SNX16: variants seen among roughly 807,000 people sequenced by gnomAD.
The protein encoded by SNX16 is sorting nexin 16.
Under a neutral mutation model 36.7 loss-of-function variants are expected in SNX16, and 35 were observed. That is an observed-to-expected ratio of 0.95 (90% CI 0.73 to 1.27). The LOEUF is 1.27. Among genes scored for constraint, SNX16 ranks in the 50% most tolerant of loss-of-function variants. The pLI is 0.00. For synonymous variants in SNX16, 134 were observed against 132.0 expected, an observed-to-expected ratio of 1.02 and a Z score of -0.10; for missense variants, 367 against 393.6, an observed-to-expected ratio of 0.93 and a Z score of 0.57.
chr8:81,807,533 A>G (rs1810019512), intron 5 of SNX16, among the ~76,000 whole-genome samples: 1 of 146,952 alleles, frequency 6.8e-6, no homozygotes, highest in African/African-American at 2.6e-5. Flanking sequence ...AAAAAAAAAA[A>G]AAAAAAAAAA....
chr8:81,839,123 G>T (rs1377575361), intron 2 of SNX16, among the ~76,000 whole-genome samples: 1 of 152,070 alleles, frequency 6.6e-6, no homozygotes, highest in Non-Finnish European at 1.5e-5. Flanking sequence ...TGGATCAACT[G>T]GAACTCTTAT....
chr8:81,809,342 T>C lies in SNX16; in HGVS notation c.681+5983A>G, dbSNP rs1020979251. On this transcript the variant is annotated intron_variant, in intron 5 of 7. Coordinates refer to ENST00000345957, the MANE Select transcript of SNX16 (RefSeq NM_152836.3). ...TTGTTGGCACATCTTATGCAATATA[T>C]TTAAATTGAGTAATGGTACCAGATA... Among the ~76,000 whole-genome samples, 13 of 152,204 alleles carry C rather than the reference T, an allele frequency of 8.5e-5. No homozygotes were observed. In the South Asian group the frequency reaches 1.0e-3, roughly 12 times the overall value.
rs1232441448 is a variant in SNX16, at chr8:81,811,332, GGAC to G, written c.681+3990_681+3992del. ...CATATCCTGGGACCCAAGCCACACA[GGAC>G]AACAGAGCCCATATGCGTGTATAGA... is the stretch of plus-strand genomic sequence containing the variant. On this transcript the variant is annotated intron_variant, in intron 5 of 7. Coordinates refer to ENST00000345957, the MANE Select transcript of SNX16 (RefSeq NM_152836.3). Among the ~76,000 whole-genome samples, 5 of 152,024 alleles carry G rather than the reference GGAC, an allele frequency of 3.3e-5. No homozygotes were observed. The East Asian group carries it at 9.6e-4, about 29-fold the overall frequency.
At chr8:81,833,728 T>G (rs758917667) in intron 2 of SNX16, among the ~76,000 whole-genome samples, 1 of 152,222 alleles carries the variant, frequency 6.6e-6, no homozygotes, top group Admixed American at 6.5e-5. Context: ...AATACCCCTG[T>G]TTCTCTAGCA....
chr8:81,823,377 A>G (rs978356711), intron 4 of SNX16, among the ~76,000 whole-genome samples: 1 of 151,994 alleles, frequency 6.6e-6, no homozygotes, highest in Non-Finnish European at 1.5e-5. Context: ...AATTAAGCCA[A>G]TTTCACAATT....
chr8:81,833,571 T>C (rs1465036156), intron 2 of SNX16, among the ~76,000 whole-genome samples: 1 of 152,184 alleles, frequency 6.6e-6, no homozygotes. Context: ...ACTTTAAAAC[T>C]TTTGAGTATG....
At chr8:81,829,621 T>C (rs1811163932) in intron 2 of SNX16, 105 bp from the exon 3 acceptor site, 1 of 404,326 alleles carries the variant, frequency 2.5e-6, no homozygotes, top group Admixed American at 4.5e-5. Flanking sequence ...ACCCAGACTA[T>C]AACAATTATT....
At chr8:81,832,849 TACTC>T (rs1022723037) in intron 2 of SNX16, among the ~76,000 whole-genome samples, 2 of 149,652 alleles carry the variant, frequency 1.3e-5, no homozygotes, top group African/African-American at 4.9e-5. Context: ...ACATACGAGA[TACTC>T]AATAAATATT....
chr8:81,813,374 T>C (rs760089459), intron 5 of SNX16, among the ~76,000 whole-genome samples: 1 of 149,850 alleles, frequency 6.7e-6, no homozygotes, highest in Non-Finnish European at 1.5e-5. Context: ...CAAAACGAAC[T>C]AAAAAAAAAT....
intron 2 of SNX16, among the ~76,000 whole-genome samples, chr8:81,837,721 A>G (rs1414248661): frequency 6.6e-6 from 1 of 152,214 alleles, no homozygotes; most frequent in Non-Finnish European, 1.5e-5. Flanking sequence ...AGGTTTCAAC[A>G]TATGAATTTT....
At chr8:81,825,083 G>C (rs1210641062) in intron 3 of SNX16, among the ~76,000 whole-genome samples, 1 of 151,214 alleles carries the variant, frequency 6.6e-6, no homozygotes, top group African/African-American at 2.5e-5. Flanking sequence ...GAATGAAACT[G>C]TGCACTTCTT....
At chr8:81,819,171 C>T (rs774461) in intron 4 of SNX16, among the ~76,000 whole-genome samples, 37,749 of 151,376 alleles carry the variant, frequency 0.25, 5,250 homozygotes, top group East Asian at 0.37. Flanking sequence ...TTTTGAATTT[C>T]GAAAAATTAA....
At chr8:81,811,831 C>T (rs772687408) in intron 5 of SNX16, among the ~76,000 whole-genome samples, 10 of 152,074 alleles carry the variant, frequency 6.6e-5, no homozygotes, top group Non-Finnish European at 1.2e-4. Flanking sequence ...TTGAAGCTAT[C>T]TCTAAACGGC....
chr8:81,802,633 A>C, intron 6 of SNX16, 134 bp from the exon 7 acceptor site: 5 of 589,914 alleles, frequency 8.5e-6, no homozygotes, highest in Non-Finnish European at 1.1e-5. Flanking sequence ...TAAATAGCTC[A>C]CTTTGGAAGT....
intron 3 of SNX16, among the ~76,000 whole-genome samples, chr8:81,829,117 G>A (rs1811135363): frequency 6.6e-6 from 1 of 152,046 alleles, no homozygotes; most frequent in African/African-American, 2.4e-5. Context: ...GCAGTAATAG[G>A]AAACTAATAC....
At chr8:81,802,756 G>A (rs909117093) in intron 6 of SNX16, among the ~76,000 whole-genome samples, 1 of 151,736 alleles carries the variant, frequency 6.6e-6, no homozygotes. Context: ...TGGCATAAAT[G>A]CCTAGAAACT....
intron 1 of SNX16, among the ~76,000 whole-genome samples, chr8:81,841,018 C>T (rs1403010192): frequency 6.6e-6 from 1 of 152,148 alleles, no homozygotes; most frequent in African/African-American, 2.4e-5. Context: ...AAATGAGTCA[C>T]CTGGACTTGG....
chr8:81,808,658 T>C, intron 5 of SNX16: 1 of 975,598 alleles, frequency 1.0e-6, no homozygotes, highest in Non-Finnish European at 1.6e-6. Flanking sequence ...GCCAATACTT[T>C]GCCAAACCAC....
chr8:81,837,724 T>C (rs1410441884), intron 2 of SNX16, among the ~76,000 whole-genome samples: 3 of 152,198 alleles, frequency 2.0e-5, no homozygotes, highest in Admixed American at 2.0e-4. Context: ...TTTCAACATA[T>C]GAATTTTGAA....
Sources: allele counts gnomAD v4.1 joint callset (sites outside exome capture counted in the v4.1 genomes callset), GRCh38; gene constraint gnomAD v4.1.1; transcripts MANE v1.5; gene names NCBI Gene and HGNC (gene_info 2026-07-23, HGNC 2026-07-21).